PALM2AKAP2: variants seen among roughly 807,000 people sequenced by gnomAD.
PALM2AKAP2 encodes the protein PALM2-AKAP2 fusion protein.
In PALM2AKAP2, 37 loss-of-function variants were observed where a neutral mutation model predicts 71.5. The ratio of observed to expected loss-of-function variants is 0.52; its 90% CI spans 0.40 to 0.68. The LOEUF is 0.68. Ranked by LOEUF, PALM2AKAP2 falls within the 30% of genes least tolerant of loss-of-function variation. PALM2AKAP2 has a pLI of 0.00. For missense variants in PALM2AKAP2, 1,224 were observed against 1,191.8 expected (o/e 1.03, Z -0.40); for synonymous variants, 468 against 478.8 (o/e 0.98, Z 0.29).
At chr9:110,056,180 G>C (rs566137668) in intron 1 of PALM2AKAP2, among the ~76,000 whole-genome samples, 1 of 152,144 alleles carries the variant, frequency 6.6e-6, no homozygotes, top group African/African-American at 2.4e-5. Flanking sequence ...TGTGTAGAAG[G>C]TGTGAGGAAG....
intron 2 of PALM2AKAP2, among the ~76,000 whole-genome samples, chr9:110,151,797 C>T (rs113655568): frequency 3.0e-4 from 46 of 152,362 alleles, no homozygotes; most frequent in African/African-American, 1.1e-3. Context: ...TCCTTACGTT[C>T]CTTATAGAGG....
At chr9:109,861,243 C>G (rs1829300110) in intron 1 of PALM2AKAP2, among the ~76,000 whole-genome samples, 1 of 152,206 alleles carries the variant, frequency 6.6e-6, no homozygotes, top group Admixed American at 6.5e-5. Flanking sequence ...CAGCCACAGC[C>G]TGGCATCTCC....
chr9:109,858,940 T>C (rs1829241791), intron 1 of PALM2AKAP2, among the ~76,000 whole-genome samples: 1 of 152,176 alleles, frequency 6.6e-6, no homozygotes, highest in South Asian at 2.1e-4. Flanking sequence ...TGGGCAGACC[T>C]TAAAAAACAG....
chr9:109,732,482 T>C (rs1828571006), intron 1 of PALM2AKAP2, among the ~76,000 whole-genome samples: 3 of 152,220 alleles, frequency 2.0e-5, no homozygotes, highest in South Asian at 4.1e-4. Context: ...ATGACAGTAG[T>C]TGGAAGACTT....
intron 3 of PALM2AKAP2, among the ~76,000 whole-genome samples, chr9:109,923,115 A>C (rs1232003608): frequency 3.3e-5 from 5 of 152,332 alleles, no homozygotes; most frequent in Admixed American, 3.3e-4. Context: ...GTCTCCTGGC[A>C]GTGCTGAAAT....
At chr9:109,832,060 C>A (rs1828315527) in intron 1 of PALM2AKAP2, among the ~76,000 whole-genome samples, 1 of 152,148 alleles carries the variant, frequency 6.6e-6, no homozygotes, top group South Asian at 2.1e-4. Flanking sequence ...CTGACCTCCA[C>A]TCACAGACAG....
At chr9:109,844,301 T>C (rs964541766) in intron 1 of PALM2AKAP2, among the ~76,000 whole-genome samples, 16 of 152,070 alleles carry the variant, frequency 1.1e-4, no homozygotes, top group African/African-American at 3.9e-4. Flanking sequence ...AATCTCAGAG[T>C]CTCATTGGTC....
Position 109,982,533 on chromosome 9 carries a change from G to A in PALM2AKAP2, c.497-33421G>A, listed in dbSNP as rs181789223. The stretch of plus-strand genomic sequence containing the variant: ...TGATGGATACCCCATCTACCCTGAT[G>A]TGATTATTTCGCATCGTATGCCAGT... On this transcript the variant is annotated intron_variant, in intron 6 of 9. Transcript: ENST00000302798. Among the ~76,000 whole-genome samples the A allele has an allele frequency of 2.5e-3, 383 of 152,322 alleles. 2 individuals carry two copies. The highest frequency in any genetic ancestry group is 3.6e-3 in the Non-Finnish European group (246 of 68,036).
At chr9:109,730,933 C>T (rs1450759225) in intron 1 of PALM2AKAP2, among the ~76,000 whole-genome samples, 1 of 152,022 alleles carries the variant, frequency 6.6e-6, no homozygotes, top group Non-Finnish European at 1.5e-5. Flanking sequence ...CATAACATCC[C>T]TTATACTAAT....
chr9:110,040,833 T>C (rs1446146219), intron 7 of PALM2AKAP2, among the ~76,000 whole-genome samples: 1 of 152,220 alleles, frequency 6.6e-6, no homozygotes, highest in Non-Finnish European at 1.5e-5. Context: ...TCCACACTAT[T>C]GGCACTGTTT....
At chr9:109,941,595 G>A (rs1338573481) in intron 6 of PALM2AKAP2, among the ~76,000 whole-genome samples, 2 of 152,204 alleles carry the variant, frequency 1.3e-5, no homozygotes, top group Non-Finnish European at 2.9e-5. Flanking sequence ...GAGTTTGATG[G>A]GTTCGTGGCA....
At chr9:109,799,311 G>C (rs536283547) in intron 1 of PALM2AKAP2, among the ~76,000 whole-genome samples, 1 of 152,232 alleles carries the variant, frequency 6.6e-6, no homozygotes, top group Admixed American at 6.5e-5. Context: ...GATGTGGTCT[G>C]TGAGAGGCTG....
intron 2 of PALM2AKAP2, among the ~76,000 whole-genome samples, chr9:110,155,021 A>C (rs1182241628): frequency 1.3e-5 from 2 of 152,214 alleles, no homozygotes; most frequent in Admixed American, 1.3e-4. Flanking sequence ...CAAGTACTGG[A>C]AGAGCAGGAG....
At chr9:109,945,115 T>A (rs757619787) in intron 6 of PALM2AKAP2, 4 of 152,310 alleles carry the variant, frequency 2.6e-5, no homozygotes, top group Middle Eastern at 3.4e-3. Flanking sequence ...TGCTTTTTTT[T>A]AATCTCCTGG....
intron 1 of PALM2AKAP2, among the ~76,000 whole-genome samples, chr9:109,742,048 C>T (rs1828722421): frequency 2.6e-5 from 4 of 152,182 alleles, no homozygotes. Context: ...AGAACAGGAA[C>T]TACATCTTGC....
intron 2 of PALM2AKAP2, among the ~76,000 whole-genome samples, chr9:110,151,159 C>T (rs1209665070): frequency 1.3e-5 from 2 of 152,152 alleles, no homozygotes; most frequent in Non-Finnish European, 2.9e-5. Context: ...AACTGTTTTT[C>T]TTCTTTTTTC....
chr9:109,719,968 G>T (rs1828381311), intron 1 of PALM2AKAP2, among the ~76,000 whole-genome samples: 1 of 151,958 alleles, frequency 6.6e-6, no homozygotes, highest in Admixed American at 6.6e-5. Context: ...AGCTACTAAA[G>T]ATAACATGCC....
At chr9:110,113,243 CT>C (rs55734110) in intron 1 of PALM2AKAP2, among the ~76,000 whole-genome samples, 43,969 of 139,314 alleles carry the variant, frequency 0.32, 7,302 homozygotes, top group African/African-American at 0.47. Context: ...TTGTTTTTTT[CT>C]TTTTTTTTTT....
chr9:109,931,570 C>G (rs1554727900), intron 5 of PALM2AKAP2, among the ~76,000 whole-genome samples: 1 of 152,128 alleles, frequency 6.6e-6, no homozygotes, highest in Non-Finnish European at 1.5e-5. Context: ...TTTCTAGTTC[C>G]ATGTTTTCTA....
Sources: gnomAD v4.1 joint callset for allele counts (sites outside exome capture counted in the v4.1 genomes callset) on GRCh38, gnomAD v4.1.1 for gene constraint, MANE v1.5 for transcripts, NCBI Gene and HGNC (gene_info 2026-07-23, HGNC 2026-07-21) for gene names.